SETBP1: variants seen among roughly 807,000 people sequenced by gnomAD.
SETBP1 encodes SET-binding protein.
SETBP1 carries 9 observed loss-of-function variants against 101.0 expected under a neutral mutation model. That is an observed-to-expected ratio of 0.09 (90% CI 0.05 to 0.16). The LOEUF (loss-of-function observed/expected upper bound fraction) is 0.16, where lower values mean the gene tolerates loss of function less well. SETBP1 is among the 10% of genes least tolerant of loss of function. The pLI, the probability that SETBP1 is intolerant of heterozygous loss-of-function variation, is 1.00. For synonymous variants in SETBP1, 818 were observed against 788.5 expected (o/e 1.04, Z -0.63); for missense variants, 1,858 against 2,033.8 (o/e 0.91, Z 1.66).
intron 4 of SETBP1, among the ~76,000 whole-genome samples, chr18:44,984,754 T>C (rs1402657017): frequency 9.9e-5 from 15 of 152,202 alleles, no homozygotes; most frequent in Admixed American, 9.2e-4. Flanking sequence ...ATGTTACTAA[T>C]TATTATCATT....
intron 2 of SETBP1, among the ~76,000 whole-genome samples, chr18:44,855,627 C>T (rs1345128961): frequency 6.6e-6 from 1 of 152,224 alleles, no homozygotes; most frequent in African/African-American, 2.4e-5. Context: ...TCAGTGACTT[C>T]AGGCTAGTAG....
chr18:45,042,660 A>G (rs1371344336), intron 5 of SETBP1, among the ~76,000 whole-genome samples: 1 of 152,194 alleles, frequency 6.6e-6, no homozygotes, highest in Non-Finnish European at 1.5e-5. Context: ...TTGTATGCAT[A>G]TATGCATGTG....
chr18:44,972,916 G>A (rs1392762914), intron 4 of SETBP1, among the ~76,000 whole-genome samples: 1 of 152,120 alleles, frequency 6.6e-6, no homozygotes. Flanking sequence ...ACACTGTGTT[G>A]AATAGGAGTG....
intron 2 of SETBP1, among the ~76,000 whole-genome samples, chr18:44,822,084 T>TAG (rs948641479): frequency 3.0e-4 from 46 of 152,270 alleles, no homozygotes; most frequent in African/African-American, 1.1e-3. Flanking sequence ...CAGCATTTGT[T>TAG]GACTGAGTGA....
At chr18:44,859,668 A>G (rs1273504665) in intron 2 of SETBP1, among the ~76,000 whole-genome samples, 1 of 152,246 alleles carries the variant, frequency 6.6e-6, no homozygotes, top group Non-Finnish European at 1.5e-5. Context: ...GTACAAGAAC[A>G]GGCTAAAGTA....
chr18:44,698,075 C>T (rs575572962), intron 1 of SETBP1, among the ~76,000 whole-genome samples: 2 of 152,194 alleles, frequency 1.3e-5, no homozygotes, highest in South Asian at 2.1e-4. Flanking sequence ...TCTTTTAAGG[C>T]GAGATCAGTA....
intron 2 of SETBP1, among the ~76,000 whole-genome samples, chr18:44,771,766 C>T (rs898628398): frequency 6.6e-6 from 1 of 152,140 alleles, no homozygotes; most frequent in Non-Finnish European, 1.5e-5. Flanking sequence ...TCAAAATCAA[C>T]GTGGGTATTT....
At chr18:44,728,291 T>C (rs1455540507) in intron 2 of SETBP1, among the ~76,000 whole-genome samples, 1 of 152,212 alleles carries the variant, frequency 6.6e-6, no homozygotes, top group African/African-American at 2.4e-5. Context: ...TGTCAGAGAC[T>C]GGTGGTTCTC....
chr18:44,770,797 CAGT>C (rs2070855623), intron 2 of SETBP1, among the ~76,000 whole-genome samples: 1 of 135,406 alleles, frequency 7.4e-6, no homozygotes, highest in South Asian at 2.4e-4. Context: ...TATTTCCTGA[CAGT>C]AGGGTGGGAG....
intron 4 of SETBP1, among the ~76,000 whole-genome samples, chr18:45,026,628 T>C (rs1282720629): frequency 6.6e-6 from 1 of 152,230 alleles, no homozygotes; most frequent in Non-Finnish European, 1.5e-5. Flanking sequence ...TTGGTCTTAC[T>C]TACATGCACG....
chr18:44,959,970 G>A (rs900380515), intron 4 of SETBP1, among the ~76,000 whole-genome samples: 1 of 152,136 alleles, frequency 6.6e-6, no homozygotes, highest in Admixed American at 6.5e-5. Context: ...AGACTGCAGT[G>A]GTACGATCTC....
chr18:44,926,711 C>T (rs1297608994), intron 3 of SETBP1, among the ~76,000 whole-genome samples: 3 of 152,034 alleles, frequency 2.0e-5, no homozygotes, highest in African/African-American at 7.3e-5. Flanking sequence ...CCACACCAAG[C>T]TGTCTAACCA....
intron 2 of SETBP1, among the ~76,000 whole-genome samples, chr18:44,737,929 G>T (rs1429174707): frequency 6.6e-6 from 1 of 152,206 alleles, no homozygotes; most frequent in East Asian, 1.9e-4. Flanking sequence ...GTGAATTAAT[G>T]ACCTGCCATG....
At chr18:44,753,973 G>A (rs558991034) in intron 2 of SETBP1, among the ~76,000 whole-genome samples, 1 of 152,290 alleles carries the variant, frequency 6.6e-6, no homozygotes, top group Admixed American at 6.5e-5. Context: ...ACCATTTGTG[G>A]ACAGCTCAAA....
chr18:44,822,780 A>G (rs942028952), intron 2 of SETBP1, among the ~76,000 whole-genome samples: 1 of 152,172 alleles, frequency 6.6e-6, no homozygotes, highest in Non-Finnish European at 1.5e-5. Context: ...GGTGCCCCCA[A>G]TCTCACCTCC....
intron 3 of SETBP1, among the ~76,000 whole-genome samples, chr18:44,928,924 C>G (rs1193609811): frequency 6.6e-6 from 1 of 152,108 alleles, no homozygotes; most frequent in African/African-American, 2.4e-5. Flanking sequence ...TGCAGAAGCT[C>G]TTTAGTTTAA....
intron 4 of SETBP1, among the ~76,000 whole-genome samples, chr18:44,980,636 G>T (rs910161709): frequency 6.6e-6 from 1 of 152,186 alleles, no homozygotes; most frequent in African/African-American, 2.4e-5. Context: ...GAGGAGCCTT[G>T]AAAGGCTTTT....
At chr18:44,890,896 T>C (rs759422372) in intron 3 of SETBP1, among the ~76,000 whole-genome samples, 1 of 152,122 alleles carries the variant, frequency 6.6e-6, no homozygotes, top group Non-Finnish European at 1.5e-5. Context: ...GATCTTCTGA[T>C]TCCAAGTCTA....
intron 2 of SETBP1, among the ~76,000 whole-genome samples, chr18:44,855,275 G>A (rs1019433780): frequency 2.6e-5 from 4 of 151,246 alleles, no homozygotes; most frequent in Non-Finnish European, 5.9e-5. Flanking sequence ...TTTTTGGTTC[G>A]TTTTGGGGTT....
Sources: allele counts gnomAD v4.1 joint callset (sites outside exome capture counted in the v4.1 genomes callset), GRCh38; gene constraint gnomAD v4.1.1; transcripts MANE v1.5; gene names NCBI Gene and HGNC (gene_info 2026-07-23, HGNC 2026-07-21).